Variants in ERBB4 observed in about 807,000 individuals in gnomAD.
ERBB4 encodes the protein erb-b2 receptor tyrosine kinase 4, also known as receptor tyrosine-protein kinase erbB-4.
A neutral mutation model predicts 158.0 loss-of-function variants in ERBB4; 42 were observed. The ratio of observed to expected loss-of-function variants is 0.27; its 90% CI spans 0.21 to 0.34. The LOEUF is 0.34. Ranked by LOEUF, ERBB4 falls within the 10% of genes least tolerant of loss-of-function variation. ERBB4 has a pLI of 1.00. For missense variants in ERBB4, 1,333 were observed against 1,624.1 expected (o/e 0.82, Z 3.08); for synonymous variants, 583 against 558.7 (o/e 1.04, Z -0.61).
chr2:212,293,873 A>AAC (rs1553612446), intron 1 of ERBB4, among the ~76,000 whole-genome samples: 7 of 146,156 alleles, frequency 4.8e-5, no homozygotes, highest in Non-Finnish European at 8.9e-5. Flanking sequence ...AAAAAAAAAA[A>AAC]CATACATTTG....
intron 1 of ERBB4, among the ~76,000 whole-genome samples, chr2:212,134,205 CTTA>C (rs1413903803): frequency 1.3e-5 from 2 of 150,922 alleles, no homozygotes; most frequent in Non-Finnish European, 3.0e-5. Context: ...TTTTTTTAAT[CTTA>C]TTAGGGTAAA....
chr2:212,335,855 C>A (rs980163246), intron 1 of ERBB4, among the ~76,000 whole-genome samples: 1 of 152,072 alleles, frequency 6.6e-6, no homozygotes, highest in African/African-American at 2.4e-5. Context: ...TTTTAATAGG[C>A]ATTTCATGAA....
intron 2 of ERBB4, among the ~76,000 whole-genome samples, chr2:211,973,686 A>T (rs944765773): frequency 6.6e-6 from 1 of 152,174 alleles, no homozygotes; most frequent in Admixed American, 6.5e-5. Context: ...TTCCTCGAAG[A>T]CCTAAAAACA....
chr2:212,191,687 A>G (rs529924279), intron 1 of ERBB4, among the ~76,000 whole-genome samples: 5 of 52,876 alleles, frequency 9.5e-5, no homozygotes, highest in African/African-American at 2.6e-4. Context: ...TGTGTTATAC[A>G]TGTTACATAT....
At chr2:211,875,558 T>C (rs2078477867) in intron 3 of ERBB4, among the ~76,000 whole-genome samples, 1 of 152,332 alleles carries the variant, frequency 6.6e-6, no homozygotes, top group South Asian at 2.1e-4. Context: ...TTAATGGATC[T>C]GAAAAATGTT....
intron 2 of ERBB4, among the ~76,000 whole-genome samples, chr2:211,975,363 C>T (rs935083922): frequency 6.6e-6 from 1 of 152,112 alleles, no homozygotes; most frequent in East Asian, 1.9e-4. Flanking sequence ...CAATCCTGAC[C>T]TGATTGATTC....
intron 19 of ERBB4, among the ~76,000 whole-genome samples, chr2:211,571,103 C>T (rs2067716472): frequency 7.7e-6 from 1 of 129,946 alleles, no homozygotes; most frequent in African/African-American, 2.9e-5. Context: ...AATGCAGTGG[C>T]ACAATCTCGG....
At chr2:212,485,979 T>A (rs74360017) in intron 1 of ERBB4, among the ~76,000 whole-genome samples, 10,770 of 151,894 alleles carry the variant, frequency 0.071, 529 homozygotes, top group African/African-American at 0.14. Context: ...TCAACATATA[T>A]ATTGGGGTGG....
At chr2:212,229,122 T>C (rs1329706211) in intron 1 of ERBB4, among the ~76,000 whole-genome samples, 3 of 152,190 alleles carry the variant, frequency 2.0e-5, no homozygotes, top group African/African-American at 7.2e-5. Context: ...AGGTGAATAA[T>C]GTACAGTGTT....
chr2:211,903,497 A>G (rs774447295), intron 3 of ERBB4, among the ~76,000 whole-genome samples: 32 of 152,192 alleles, frequency 2.1e-4, no homozygotes, highest in Non-Finnish European at 4.0e-4. Context: ...AGTAATATAC[A>G]TGAAATTTTA....
chr2:211,812,760 C>T (rs1264093099), intron 3 of ERBB4, among the ~76,000 whole-genome samples: 1 of 152,190 alleles, frequency 6.6e-6, no homozygotes, highest in Non-Finnish European at 1.5e-5. Context: ...AGATGCCTCT[C>T]CCCCTACAGG....
chr2:211,559,807 C>G (rs1325908722), intron 20 of ERBB4, among the ~76,000 whole-genome samples: 1 of 152,108 alleles, frequency 6.6e-6, no homozygotes, highest in Non-Finnish European at 1.5e-5. Context: ...AAGATAAAAG[C>G]CCACCAATAT....
chr2:212,153,361 T>G (rs955948804), intron 1 of ERBB4, among the ~76,000 whole-genome samples: 11 of 152,138 alleles, frequency 7.2e-5, no homozygotes, highest in Non-Finnish European at 1.5e-4. Flanking sequence ...TAGGACAAAG[T>G]TCTCTACTCC....
At chr2:211,640,944 A>G (rs2070560623) in intron 16 of ERBB4, among the ~76,000 whole-genome samples, 1 of 152,184 alleles carries the variant, frequency 6.6e-6, no homozygotes, top group Non-Finnish European at 1.5e-5. Flanking sequence ...AGGGACGTGC[A>G]GAAATCAGCA....
chr2:211,414,009 G>A (rs1427448548), intron 25 of ERBB4, among the ~76,000 whole-genome samples: 1 of 151,822 alleles, frequency 6.6e-6, no homozygotes, highest in Non-Finnish European at 1.5e-5. Context: ...CCAGTCCACT[G>A]CGGGCACGCC....
chr2:212,532,313 A>C (rs2106345827), intron 1 of ERBB4, among the ~76,000 whole-genome samples: 1 of 152,322 alleles, frequency 6.6e-6, no homozygotes, highest in Admixed American at 6.5e-5. Context: ...GTGAAAGGAA[A>C]GTGAGGGAAT....
chr2:211,501,704 T>G (rs13010155), intron 20 of ERBB4, among the ~76,000 whole-genome samples: 64,299 of 151,844 alleles, frequency 0.42, 14,806 homozygotes, highest in African/African-American at 0.61. Context: ...CTTCCAAAAA[T>G]AATAATTTAA....
intron 20 of ERBB4, among the ~76,000 whole-genome samples, chr2:211,544,031 C>A (rs1302627156): frequency 1.3e-5 from 2 of 151,830 alleles, no homozygotes; most frequent in Non-Finnish European, 2.9e-5. Flanking sequence ...AGTCTCACTG[C>A]ACAGATACAT....
At chr2:212,504,575 T>C (rs1202095617) in intron 1 of ERBB4, among the ~76,000 whole-genome samples, 1 of 151,736 alleles carries the variant, frequency 6.6e-6, no homozygotes, top group African/African-American at 2.4e-5. Context: ...ATGGAACAAA[T>C]AGAAAATAAT....
Sources: allele counts gnomAD v4.1 joint callset (sites outside exome capture counted in the v4.1 genomes callset), GRCh38; gene constraint gnomAD v4.1.1; transcripts MANE v1.5; gene names NCBI Gene and HGNC (gene_info 2026-07-23, HGNC 2026-07-21).